Variants in EXD3 observed in about 807,000 individuals in gnomAD.
EXD3 encodes the protein exonuclease mut-7 homolog.
In EXD3, 92 loss-of-function variants were observed where a neutral mutation model predicts 98.0. The ratio of observed to expected loss-of-function variants is 0.94; its 90% CI spans 0.79 to 1.12. The LOEUF is 1.12. Among genes scored for constraint, EXD3 ranks in the 50% most tolerant of loss-of-function variants. The probability of loss-of-function intolerance (pLI) is 0.00; values close to 1 mark genes in which losing one functional copy is unlikely to be tolerated. For synonymous variants in EXD3, 569 were observed against 526.0 expected (o/e 1.08, Z -1.12); for missense variants, 1,222 against 1,191.6 (o/e 1.03, Z -0.38).
At chr9:137,392,574 G>T in intron 2 of EXD3, 1 of 236,998 alleles carries the variant, frequency 4.2e-6, no homozygotes, top group Non-Finnish European at 8.5e-6. Context: ...CTCTTGTGGA[G>T]CTGGCCTTGT....
chr9:137,314,616 GC>G (rs1831542173), intron 19 of EXD3, among the ~76,000 whole-genome samples: 1 of 139,320 alleles, frequency 7.2e-6, no homozygotes, highest in African/African-American at 2.6e-5. Context: ...CTGTCCCCCC[GC>G]CCCCAGGGCC....
rs1330623348 is a variant in EXD3 at position 137,385,768 on chromosome 9, A to G, written c.56-2391T>C. 6.6e-6 allele frequency among the ~76,000 whole-genome samples: 1 copy of G among 152,010 alleles called. No individual in the cohort carries two copies. The highest frequency in any genetic ancestry group is 1.5e-5 in the Non-Finnish European group (1 of 68,018). On this transcript the variant is annotated intron_variant, in intron 2 of 21. Coordinates refer to ENST00000340951, the MANE Select transcript of EXD3 (RefSeq NM_017820.5). The surrounding 1 kb of genome is among the most constrained non-coding windows in gnomAD (Gnocchi z 4.4). ...AGGCTGGTCTTGAACTCCTGAGCTC[A>G]ATTGGTCCGTCCACCTCGGCCTCCC...
chr9:137,327,463 C>G (rs557325581), intron 17 of EXD3, among the ~76,000 whole-genome samples: 13 of 152,142 alleles, frequency 8.5e-5, no homozygotes, highest in African/African-American at 2.9e-4. Flanking sequence ...ATACCCAGTT[C>G]TGGAAAGGGG....
At chr9:137,409,022 A>G (rs1837869420) in intron 1 of EXD3, among the ~76,000 whole-genome samples, 1 of 152,168 alleles carries the variant, frequency 6.6e-6, no homozygotes, top group Non-Finnish European at 1.5e-5. Flanking sequence ...CTATAATTTA[A>G]AGTGTGTCCC....
intron 3 of EXD3, among the ~76,000 whole-genome samples, chr9:137,381,468 G>A (rs963036763): frequency 8.0e-5 from 12 of 150,008 alleles, no homozygotes; most frequent in African/African-American, 1.2e-4. Context: ...CAGGCTGCTG[G>A]GCAGTGGGGC....
intron 19 of EXD3, among the ~76,000 whole-genome samples, chr9:137,320,325 C>G (rs1434263448): frequency 6.6e-6 from 1 of 152,240 alleles, no homozygotes; most frequent in African/African-American, 2.4e-5. Context: ...TCCCCGCCGG[C>G]TGTTTGCAGT....
Position 137,407,424 on chromosome 9 carries a change from C to A in EXD3, c.-47-12020G>T, listed in dbSNP as rs1402427690. Among the ~76,000 whole-genome samples, 4 of 152,230 alleles carry A rather than the reference C, an allele frequency of 2.6e-5. No homozygotes were observed. The highest frequency in any genetic ancestry group is 5.9e-5 in the Non-Finnish European group (4 of 68,042). ...CCCCCAAGGGGCCATCTGCCCCCGG[C>A]TCACCGCAGGCCCTTTCCTGGGGGC... On this transcript the variant is annotated intron_variant, in intron 1 of 21. Transcript: ENST00000340951. This position sits in a 1 kb window ranked among gnomAD's most constrained non-coding sequence, Gnocchi z 4.4.
intron 1 of EXD3, among the ~76,000 whole-genome samples, chr9:137,420,489 A>T (rs1384455951): frequency 6.6e-6 from 1 of 152,178 alleles, no homozygotes; most frequent in Non-Finnish European, 1.5e-5. Flanking sequence ...AACAGGACAC[A>T]ATTGGAGACC....
At chr9:137,352,593 GGC>G in intron 11 of EXD3, 25 bp downstream of exon 11, 1 of 1,516,314 alleles carries the variant, frequency 6.6e-7, no homozygotes, top group Non-Finnish European at 8.8e-7. Context: ...ACCCACCCCT[GGC>G]TGGGGTCACC....
chr9:137,345,206 C>G (rs1048453287), intron 17 of EXD3, among the ~76,000 whole-genome samples: 1 of 152,278 alleles, frequency 6.6e-6, no homozygotes, highest in African/African-American at 2.4e-5. Flanking sequence ...ATCCTCTGGG[C>G]TCTCGCCCGG....
At chr9:137,353,513 G>C (rs1834423168) in intron 10 of EXD3, 1 of 986,954 alleles carries the variant, frequency 1.0e-6, no homozygotes, top group Non-Finnish European at 1.2e-6. Context: ...TGGCCCAGGA[G>C]CAGACAGAGG....
At chr9:137,341,524 A>ATG (rs1564491678) in intron 17 of EXD3, among the ~76,000 whole-genome samples, 1 of 141,332 alleles carries the variant, frequency 7.1e-6, no homozygotes, top group Non-Finnish European at 1.6e-5. Context: ...GCCGTCTCCC[A>ATG]GGAGTCAGAG....
In EXD3 at chr9:137,351,120, T is replaced by G. The variant is rs202149830; in HGVS notation, c.1412A>C (p.Lys471Thr). ...LGYGMVGDLQ[K>T]LGTSCPALAH... ...CAGGGCGGGGCAGGACGTGCCCAGT[T>G]TTTGCAGGTCCCCCACCATCCCGTA... Residue 471 changes from lysine to threonine, a missense_variant, in exon 14 of 22, where the codon AAA becomes ACA. Transcript: ENST00000340951. 7.0e-5 allele frequency: 110 copies of G among 1,582,380 alleles called. 1 individual carries two copies. The African/African-American group carries it at 1.3e-3, about 18-fold the overall frequency.
rs1835471106 is a variant in EXD3, at chr9:137,369,341, C to G, written c.463-1352G>C. Among the ~76,000 whole-genome samples the G allele has an allele frequency of 2.0e-5, 3 of 152,090 alleles. No individual in the cohort carries two copies. In the South Asian group the frequency reaches 6.2e-4, roughly 31 times the overall value. ...GCTCTGATCCCTTCTGGATCAGGGA[C>G]CCCCTGAGAAGCTGCCAGAGCTCCG... On this transcript the variant is annotated intron_variant, in intron 5 of 21. Transcript: ENST00000340951.
intron 3 of EXD3, among the ~76,000 whole-genome samples, chr9:137,378,444 C>T (rs562500532): frequency 6.6e-6 from 1 of 152,202 alleles, no homozygotes; most frequent in Non-Finnish European, 1.5e-5. Context: ...GTCCTGACCT[C>T]AGGTGATCCT....
At chr9:137,355,832 G>C (rs1027974567) in intron 8 of EXD3, among the ~76,000 whole-genome samples, 1 of 152,196 alleles carries the variant, frequency 6.6e-6, no homozygotes, top group African/African-American at 2.4e-5. Context: ...AGGGGCCTCA[G>C]TGCATCTTCC....
chr9:137,392,126 A>G (rs958894327), intron 2 of EXD3: 4 of 152,304 alleles, frequency 2.6e-5, no homozygotes, highest in Non-Finnish European at 5.9e-5. Flanking sequence ...AGCCACCATA[A>G]TCCTGGCCGT....
intron 3 of EXD3, among the ~76,000 whole-genome samples, chr9:137,382,674 G>A (rs975810009): frequency 1.3e-5 from 2 of 152,054 alleles, no homozygotes; most frequent in Non-Finnish European, 2.9e-5. Context: ...GCCTGCAGGG[G>A]TGACCTCAGG....
intron 19 of EXD3, among the ~76,000 whole-genome samples, chr9:137,316,148 G>A (rs1240257945): frequency 6.6e-6 from 1 of 151,432 alleles, no homozygotes; most frequent in Non-Finnish European, 1.5e-5. Flanking sequence ...AGGGGCGGCG[G>A]CCGTGAGAAC....
Sources: allele counts gnomAD v4.1 joint callset (sites outside exome capture counted in the v4.1 genomes callset), GRCh38; gene constraint gnomAD v4.1.1; non-coding constraint Gnocchi (gnomAD v3.1); transcripts MANE v1.5; gene names NCBI Gene and HGNC (gene_info 2026-07-23, HGNC 2026-07-21).